Variants in NFIB observed in about 807,000 individuals in gnomAD.
NFIB encodes nuclear factor I B.
NFIB carries 11 observed loss-of-function variants against 61.5 expected under a neutral mutation model. That is an observed-to-expected ratio of 0.18 (90% confidence interval 0.11 to 0.30). NFIB has a LOEUF of 0.30. NFIB is among the 10% of genes least tolerant of loss of function. The probability of loss-of-function intolerance (pLI) is 1.00; values close to 1 mark genes in which losing one functional copy is unlikely to be tolerated. For missense variants in NFIB, 471 were observed against 608.9 expected (o/e 0.77, Z 2.38); for synonymous variants, 260 against 216.5 (o/e 1.20, Z -1.76).
the NFIB span, among the ~76,000 whole-genome samples, chr9:14,508,554 A>G: frequency 6.6e-6 from 1 of 152,258 alleles, no homozygotes; most frequent in African/African-American, 2.4e-5. Flanking sequence ...ATTATATGAC[A>G]TAAAGTCCAG....
At chr9:14,505,369 T>C in the NFIB span, among the ~76,000 whole-genome samples, 14 of 152,178 alleles carry the variant, frequency 9.2e-5, no homozygotes, top group African/African-American at 2.4e-4. Context: ...ACTAGCTTCA[T>C]AGAATAACTT....
intron 2 of NFIB, among the ~76,000 whole-genome samples, chr9:14,275,147 T>C (rs1267256112): frequency 6.6e-6 from 1 of 152,196 alleles, no homozygotes; most frequent in Non-Finnish European, 1.5e-5. Context: ...TGGCTGGACC[T>C]TGCTCTTGTT....
intron 1 of NFIB, among the ~76,000 whole-genome samples, chr9:14,379,581 C>T (rs1211255875): frequency 2.6e-5 from 4 of 152,160 alleles, no homozygotes; most frequent in Admixed American, 2.0e-4. Context: ...GGTATTATAT[C>T]GTCACTTTGG....
intron 1 of NFIB, among the ~76,000 whole-genome samples, chr9:14,352,262 AT>A (rs59193389): frequency 0.31 from 46,931 of 150,776 alleles, 7,810 homozygotes; most frequent in African/African-American, 0.43. Context: ...TGATTTTTTC[AT>A]TTTTTTTTGG....
chr9:14,097,875 C>CTTTTTTTTTTTTTTTTTTTTTTTT (rs71321962), intron 10 of NFIB, among the ~76,000 whole-genome samples: 1 of 110,838 alleles, frequency 9.0e-6, no homozygotes, highest in African/African-American at 3.4e-5. Context: ...TTTCTTTTTT[C>CTTTTTTTTTTTTTTTTTTTTTTTT]TTTTTTTTTT....
chr9:14,209,111 C>A (rs939751467), intron 2 of NFIB, among the ~76,000 whole-genome samples: 13 of 152,296 alleles, frequency 8.5e-5, no homozygotes, highest in African/African-American at 3.1e-4. Flanking sequence ...TACATCACAG[C>A]CCAGCCTTTT....
chr9:14,503,122 G>T, the NFIB span, among the ~76,000 whole-genome samples: 1 of 147,732 alleles, frequency 6.8e-6, no homozygotes, highest in Non-Finnish European at 1.5e-5. Flanking sequence ...GTATGTGTGT[G>T]TATGTGTGTG....
the NFIB span, among the ~76,000 whole-genome samples, chr9:14,433,209 C>T: frequency 9.3e-4 from 141 of 152,258 alleles, 1 homozygote; most frequent in African/African-American, 3.2e-3. Context: ...CTGTGTTTCT[C>T]ACATTAATTC....
chr9:14,209,511 G>T (rs2050090640), intron 2 of NFIB, among the ~76,000 whole-genome samples: 1 of 152,216 alleles, frequency 6.6e-6, no homozygotes, highest in Non-Finnish European at 1.5e-5. Context: ...TTGGCAGGGG[G>T]CCAGCACAGT....
chr9:14,145,089 G>T (rs1048355594), intron 6 of NFIB, among the ~76,000 whole-genome samples: 1 of 151,840 alleles, frequency 6.6e-6, no homozygotes, highest in Non-Finnish European at 1.5e-5. Context: ...ATTTGGTGGG[G>T]TCTCTCATGA....
upstream of NFIB, chr9:14,314,559 T>C (rs2060450088): frequency 6.6e-6 from 1 of 152,112 alleles, no homozygotes; most frequent in African/African-American, 2.4e-5. Context: ...AATTCACCGG[T>C]TCCACCCTCT....
At chr9:14,531,253 T>C in the NFIB span, among the ~76,000 whole-genome samples, 1 of 152,220 alleles carries the variant, frequency 6.6e-6, no homozygotes, top group East Asian at 1.9e-4. Context: ...GCTCCTTTCC[T>C]TCTTCCCCAC....
intron 1 of NFIB, among the ~76,000 whole-genome samples, chr9:14,353,746 G>C (rs1004831416): frequency 3.9e-5 from 6 of 152,062 alleles, no homozygotes; most frequent in Non-Finnish European, 7.4e-5. Context: ...CCACGGGTCA[G>C]ATGCCTTTTC....
chr9:14,507,347 A>G, the NFIB span, among the ~76,000 whole-genome samples: 8 of 152,284 alleles, frequency 5.3e-5, no homozygotes, highest in South Asian at 4.1e-4. Flanking sequence ...TGTATTTTCT[A>G]TATTATATCT....
At chr9:14,265,730 T>C (rs1300388543) in intron 2 of NFIB, among the ~76,000 whole-genome samples, 1 of 152,184 alleles carries the variant, frequency 6.6e-6, no homozygotes, top group East Asian at 1.9e-4. Context: ...TTAACAAACA[T>C]GTATTGAGCA....
At position 14,321,195 on chromosome 9, in the gene NFIB, T is replaced by C. The variant is rs1037100948; in HGVS notation, c.109-13675A>G. On this transcript the variant is annotated intron_variant, in intron 1 of 8. Transcript: ENST00000380934. ...TGCATTAAAATGTGTCTCAGACGTA[T>C]TGGGGAAAAGAAGACAAGGAGAACG... is the stretch of plus-strand genomic sequence containing the variant. 7.9e-5 allele frequency among the ~76,000 whole-genome samples: 12 copies of C among 151,908 alleles called. 1 individual carries two copies. The highest frequency in any genetic ancestry group is 5.9e-4 in the Admixed American group (9 of 15,252).
At chr9:14,496,908 T>A in the NFIB span, among the ~76,000 whole-genome samples, 1 of 152,230 alleles carries the variant, frequency 6.6e-6, no homozygotes, top group Non-Finnish European at 1.5e-5. Context: ...GACACACCAA[T>A]AATGGGTCTG....
the NFIB span, among the ~76,000 whole-genome samples, chr9:14,483,931 A>G: frequency 3.3e-5 from 5 of 152,224 alleles, no homozygotes; most frequent in African/African-American, 7.2e-5. Flanking sequence ...TCAGGAAGCT[A>G]CAACTGATGA....
chr9:14,491,291 A>G, the NFIB span, among the ~76,000 whole-genome samples: 4 of 151,934 alleles, frequency 2.6e-5, no homozygotes, highest in East Asian at 7.7e-4. Flanking sequence ...GGCTTTTGAC[A>G]TATCTAAAAA....
Sources: allele counts gnomAD v4.1 joint callset (sites outside exome capture counted in the v4.1 genomes callset), GRCh38; gene constraint gnomAD v4.1.1; transcripts MANE v1.5; gene names NCBI Gene and HGNC (gene_info 2026-07-23, HGNC 2026-07-21).